ERBB4: variants seen among roughly 807,000 people sequenced by gnomAD.
ERBB4 encodes erb-b2 receptor tyrosine kinase 4, also known as receptor tyrosine-protein kinase erbB-4.
In ERBB4, 42 loss-of-function variants were observed where a neutral mutation model predicts 158.0. That is an observed-to-expected ratio of 0.27 (90% CI 0.21 to 0.34). ERBB4 has a LOEUF of 0.34. Among genes scored for constraint, ERBB4 ranks in the 10% least tolerant of loss-of-function variants. The pLI, the probability that ERBB4 is intolerant of heterozygous loss-of-function variation, is 1.00. For missense variants in ERBB4, 1,333 were observed against 1,624.1 expected (o/e 0.82, Z 3.08); for synonymous variants, 583 against 558.7 (o/e 1.04, Z -0.61).
intron 20 of ERBB4, among the ~76,000 whole-genome samples, chr2:211,475,946 C>T (rs186328848): frequency 6.6e-6 from 1 of 152,120 alleles, no homozygotes; most frequent in Admixed American, 6.6e-5. Context: ...AACAAAATAA[C>T]TACACGATCA....
intron 19 of ERBB4, among the ~76,000 whole-genome samples, chr2:211,580,075 G>T (rs1391063897): frequency 6.6e-6 from 1 of 152,114 alleles, no homozygotes; most frequent in Non-Finnish European, 1.5e-5. Context: ...GGAAACTGTT[G>T]GTGCTTTTTA....
chr2:211,619,609 C>T (rs1445051054), intron 18 of ERBB4, among the ~76,000 whole-genome samples: 3 of 152,018 alleles, frequency 2.0e-5, no homozygotes, highest in South Asian at 2.1e-4. Context: ...ATGGTATCAT[C>T]GACTTTTTGA....
intron 1 of ERBB4, among the ~76,000 whole-genome samples, chr2:212,418,258 T>C (rs2091705384): frequency 6.6e-6 from 1 of 151,954 alleles, no homozygotes; most frequent in Admixed American, 6.6e-5. Context: ...AAAATATCAA[T>C]GGTATATGAA....
intron 12 of ERBB4, among the ~76,000 whole-genome samples, chr2:211,699,894 C>G (rs932781395): frequency 6.6e-6 from 1 of 151,986 alleles, no homozygotes; most frequent in African/African-American, 2.4e-5. Flanking sequence ...ATCCCTTTTT[C>G]CCATCTTGCT....
chr2:211,403,684 C>G (rs2063091325), intron 25 of ERBB4, among the ~76,000 whole-genome samples: 2 of 152,182 alleles, frequency 1.3e-5, no homozygotes, highest in Admixed American at 1.3e-4. Context: ...AATGCCAATT[C>G]TTTAAGAATC....
chr2:211,672,446 G>C (rs1267945678), intron 14 of ERBB4, among the ~76,000 whole-genome samples: 1 of 152,112 alleles, frequency 6.6e-6, no homozygotes, highest in Non-Finnish European at 1.5e-5. Context: ...TTTTCTCTCT[G>C]AGGCTAACTT....
intron 20 of ERBB4, among the ~76,000 whole-genome samples, chr2:211,452,458 G>C (rs1421754950): frequency 6.6e-6 from 1 of 152,116 alleles, no homozygotes; most frequent in Non-Finnish European, 1.5e-5. Context: ...TTACAGGCGT[G>C]AGCCACCGCC....
chr2:211,766,049 C>G (rs193098489), intron 4 of ERBB4, among the ~76,000 whole-genome samples: 1 of 152,192 alleles, frequency 6.6e-6, no homozygotes, highest in East Asian at 1.9e-4. Flanking sequence ...TTTATTCAAG[C>G]TTTTTTCTTT....
chr2:212,280,258 T>G (rs563054532), intron 1 of ERBB4, among the ~76,000 whole-genome samples: 1 of 151,604 alleles, frequency 6.6e-6, no homozygotes, highest in Non-Finnish European at 1.5e-5. Context: ...GTAGAACATA[T>G]TCATTAATTT....
chr2:211,998,085 A>G (rs2076009007), intron 2 of ERBB4, among the ~76,000 whole-genome samples: 1 of 152,026 alleles, frequency 6.6e-6, no homozygotes, highest in Admixed American at 6.6e-5. Context: ...CTAACGTTAA[A>G]TGATGAGTTA....
At chr2:212,090,818 A>G (rs984388866) in intron 2 of ERBB4, among the ~76,000 whole-genome samples, 2 of 152,170 alleles carry the variant, frequency 1.3e-5, no homozygotes, top group Non-Finnish European at 2.9e-5. Context: ...GGTAATACTA[A>G]TTCTTGGGTT....
At chr2:211,580,894 TA>T (rs2068081517) in intron 19 of ERBB4, among the ~76,000 whole-genome samples, 1 of 8,204 alleles carries the variant, frequency 1.2e-4, no homozygotes, top group Non-Finnish European at 2.7e-4. Flanking sequence ...TATATATATA[TA>T]TATATATATA....
intron 12 of ERBB4, among the ~76,000 whole-genome samples, chr2:211,690,401 T>C (rs923137076): frequency 1.3e-4 from 20 of 152,180 alleles, no homozygotes; most frequent in African/African-American, 4.8e-4. Context: ...TGCTTTGACA[T>C]AAATTGGAGA....
intron 3 of ERBB4, among the ~76,000 whole-genome samples, chr2:211,930,507 C>G (rs549550388): frequency 2.0e-5 from 3 of 152,184 alleles, no homozygotes; most frequent in African/African-American, 4.8e-5. Flanking sequence ...CTGTGGTTAC[C>G]GAGTCTGCAA....
At chr2:211,414,215 G>C (rs7591494) in intron 25 of ERBB4, among the ~76,000 whole-genome samples, 5 of 151,980 alleles carry the variant, frequency 3.3e-5, no homozygotes, top group African/African-American at 1.2e-4. Context: ...AAAATACAGC[G>C]TGACCTGGCG....
intron 1 of ERBB4, among the ~76,000 whole-genome samples, chr2:212,446,591 G>GTATATATATATATATATATATGTA (rs2092355876): frequency 3.6e-5 from 1 of 27,518 alleles, no homozygotes; most frequent in Non-Finnish European, 5.9e-5. Context: ...ATATATATAT[G>GTATATATATATATATATATATGTA]TATATATATA....
intron 2 of ERBB4, among the ~76,000 whole-genome samples, chr2:211,977,025 T>G (rs2125219197): frequency 6.6e-6 from 1 of 152,322 alleles, no homozygotes; most frequent in South Asian, 2.1e-4. Flanking sequence ...TTTAAGATGG[T>G]ATGATTGTCA....
chr2:212,454,735 A>C (rs1267323428), intron 1 of ERBB4, among the ~76,000 whole-genome samples: 1 of 152,210 alleles, frequency 6.6e-6, no homozygotes, highest in African/African-American at 2.4e-5. Flanking sequence ...GGACCAATGT[A>C]ATCAAGTATT....
chr2:212,079,710 T>G (rs544863963), intron 2 of ERBB4, among the ~76,000 whole-genome samples: 1 of 152,180 alleles, frequency 6.6e-6, no homozygotes, highest in East Asian at 1.9e-4. Context: ...TGTAAAAAGG[T>G]GCCTGCCAAG....
Sources: gnomAD v4.1 joint callset for allele counts (sites outside exome capture counted in the v4.1 genomes callset) on GRCh38, gnomAD v4.1.1 for gene constraint, MANE v1.5 for transcripts, NCBI Gene and HGNC (gene_info 2026-07-23, HGNC 2026-07-21) for gene names.